The following PUM1 variants were observed in gnomAD, a reference collection of about 807,000 sequenced individuals.
PUM1 encodes pumilio homolog 1.
A neutral mutation model predicts 131.8 loss-of-function variants in PUM1; 13 were observed. The observed-to-expected ratio is 0.10, with a 90% CI of 0.06 to 0.16. PUM1 has a LOEUF of 0.16. PUM1 is among the 10% of genes least tolerant of loss of function. PUM1 has a pLI of 1.00. For synonymous variants in PUM1, 509 were observed against 556.5 expected (o/e 0.91, Z 1.20); for missense variants, 961 against 1,512.4 (o/e 0.64, Z 6.05).
intron 3 of PUM1, among the ~76,000 whole-genome samples, chr1:31,020,790 T>C (rs185016943): frequency 1.3e-5 from 2 of 152,312 alleles, no homozygotes; most frequent in African/African-American, 2.4e-5. Context: ...GCTATGTATA[T>C]AGGGAATACA....
In PUM1 at chr1:30,967,376, A is replaced by C. The variant is rs1245947217; in HGVS notation, c.1646-66T>G. On this transcript the variant is annotated intron_variant, in intron 11 of 21. Coordinates refer to ENST00000426105, the MANE Select transcript of PUM1 (RefSeq NM_001020658.2). The stretch of plus-strand genomic sequence containing the variant: ...AAACAAGTATCTCCTGGGCACCAAC[A>C]TATTGTCAATAATCACAAACTCAGC... The C allele has an allele frequency of 4.7e-6, 7 of 1,494,290 alleles. No homozygotes were observed. In the East Asian group the frequency reaches 1.6e-4, roughly 34 times the overall value. The allele number at this position is 1,494,290 out of a possible 1,614,324, so 92.6% of individuals were successfully genotyped here.
Position 30,964,729 on chromosome 1 carries a change from T to G in PUM1, c.2268A>C (p.Ser756=). 6.2e-7 allele frequency: 1 copy of G among 1,613,960 alleles called. No homozygotes were observed. The highest frequency in any genetic ancestry group is 8.5e-7 in the Non-Finnish European group (1 of 1,179,968). ...AAGAGAGGGAAGGAGGTGGTGTCTG[T>G]GAATGTCCTGGTCCCTGACTAGGGA... ...MPLPSQGPGH[S]QTPPPSLSSH... The change falls in exon 14 of 22, where the codon TCA becomes TCC. Residue 756 remains serine, a synonymous_variant. Transcript: ENST00000426105.
At chr1:30,955,900 T>G (rs1175668475) in intron 14 of PUM1, among the ~76,000 whole-genome samples, 1 of 152,238 alleles carries the variant, frequency 6.6e-6, no homozygotes, top group African/African-American at 2.4e-5. Context: ...AGCCCAATTC[T>G]ATGTTAGAAG....
At chr1:30,968,969 A>G (rs1453039412) in intron 10 of PUM1, among the ~76,000 whole-genome samples, 2 of 152,196 alleles carry the variant, frequency 1.3e-5, no homozygotes, top group African/African-American at 2.4e-5. Flanking sequence ...ACCATACTAT[A>G]TAATGTCAGT....
intron 5 of PUM1, among the ~76,000 whole-genome samples, chr1:30,996,964 CT>C (rs768263041): frequency 3.2e-4 from 49 of 152,090 alleles, no homozygotes; most frequent in Non-Finnish European, 6.8e-4. Flanking sequence ...CAAAACTGAA[CT>C]GTTAAAATAA....
Position 30,936,712 on chromosome 1 carries a change from A to G in PUM1, c.3366T>C (p.Tyr1122=). The G allele has an allele frequency of 2.5e-6, 4 of 1,614,196 alleles. No individual in the cohort carries two copies. Among genetic ancestry groups the G allele is most frequent in the Non-Finnish European group, 2.5e-6 (3 of 1,180,028 alleles). ...TCATCTTCTGGACCACGTAGTTGGC[A>G]TACTGGTCCTTCATCATGGTGTATA... ...SALYTMMKDQ[Y]ANYVVQKMID... is the part of the protein sequence containing the mutation. The change falls in exon 21 of 22, where the codon TAT becomes TAC. Residue 1122 remains tyrosine, a synonymous_variant. Transcript: ENST00000426105.
Position 30,987,834 on chromosome 1 carries a change from C to A in PUM1, c.1158+4556G>T, listed in dbSNP as rs150673170. ...CATGTTCTTCAATTATGATTGTAGACAACAAACTACATTAACTTTAGCAAT... is the reference window on the plus strand; with the variant it reads ...CATGTTCTTCAATTATGATTGTAGAAAACAAACTACATTAACTTTAGCAAT... On this transcript the variant is annotated intron_variant, in intron 7 of 21. Transcript: ENST00000426105. Among the ~76,000 whole-genome samples the A allele has an allele frequency of 2.6e-5, 4 of 152,268 alleles. No homozygotes were observed. In the East Asian group the frequency reaches 7.7e-4, roughly 29 times the overall value.
At chr1:31,027,534 C>T (rs1016945945) in intron 3 of PUM1, among the ~76,000 whole-genome samples, 2 of 152,190 alleles carry the variant, frequency 1.3e-5, no homozygotes, top group Admixed American at 6.5e-5. Context: ...AACACAAGGA[C>T]ATCTCCCAAT....
At chr1:31,057,169 C>A (rs1210012783) in intron 2 of PUM1, among the ~76,000 whole-genome samples, 1 of 152,024 alleles carries the variant, frequency 6.6e-6, no homozygotes, top group Non-Finnish European at 1.5e-5. Flanking sequence ...TCTGGGAGTC[C>A]AAGGCAGGTG....
At position 30,944,864 on chromosome 1, in the gene PUM1, C is replaced by T. The variant is rs139144875; in HGVS notation, c.2994+482G>A. 8.1e-4 allele frequency among the ~76,000 whole-genome samples: 123 copies of T among 152,310 alleles called. 1 individual carries two copies. The highest frequency in any genetic ancestry group is 2.8e-3 in the African/African-American group (115 of 41,560). On this transcript the variant is annotated intron_variant, in intron 18 of 21. Coordinates refer to ENST00000426105, the MANE Select transcript of PUM1 (RefSeq NM_001020658.2). ...ACTGCATTAATGACGGAAAGAAGAC[C>T]GAGACCCAGACACTTGGCAACACAC...
rs909532674 is a variant in PUM1 at position 31,006,891 on chromosome 1, A to T, written c.541+103T>A. 3 of 821,928 alleles carry T rather than the reference A, an allele frequency of 3.6e-6. No individual in the cohort carries two copies. In the African/African-American group the frequency reaches 5.1e-5, roughly 14 times the overall value. 50.9% of individuals were successfully genotyped at this position (821,928 alleles called of 1,614,324 possible). On this transcript the variant is annotated intron_variant, in intron 4 of 21. Coordinates refer to ENST00000426105, the MANE Select transcript of PUM1 (RefSeq NM_001020658.2). Reference sequence around the variant, plus strand: ...ATACTACAGGAGAGGACACTGCTTGACATGCTTATGTCACTGATGTAAAAT... The same window carrying T: ...ATACTACAGGAGAGGACACTGCTTGTCATGCTTATGTCACTGATGTAAAAT...
At position 31,002,614 on chromosome 1, in the gene PUM1, T is replaced by TGG. The variant is rs370798842; in HGVS notation, c.720+3237_720+3238dup. On this transcript the variant is annotated intron_variant, in intron 5 of 21. Transcript: ENST00000426105. ...CTGATTTTGTAACCACCCTGAACCA[T>TGG]GGGGGGCTGTGGGGTGAGCACCTGT... Among the ~76,000 whole-genome samples the TGG allele has an allele frequency of 5.1e-3, 771 of 152,164 alleles. 3 individuals are homozygous for TGG. The highest frequency in any genetic ancestry group is 0.032 in the East Asian group (164 of 5,182).
At chr1:31,025,231 C>T (rs1170050020) in intron 3 of PUM1, among the ~76,000 whole-genome samples, 1 of 152,086 alleles carries the variant, frequency 6.6e-6, no homozygotes, top group Non-Finnish European at 1.5e-5. Flanking sequence ...ATACTCTAAA[C>T]CTTTCAAAGT....
In PUM1 at chr1:30,992,474, A is replaced by G. The variant is rs1641830418; in HGVS notation, c.1074T>C (p.Leu358=). ...DPMEHVGMEP[L]QFDYSGTQVP... is the part of the protein sequence containing the mutation. ...CCTGCGTGCCTGAATAATCAAACTGAAGAGGCTCCATGCCCACATGTTCCA... is the reference window on the plus strand; with the variant it reads ...CCTGCGTGCCTGAATAATCAAACTGGAGAGGCTCCATGCCCACATGTTCCA... The change falls in exon 7 of 22, where the codon CTT becomes CTC. Residue 358 remains leucine (L), a synonymous_variant. Coordinates refer to ENST00000426105, the MANE Select transcript of PUM1 (RefSeq NM_001020658.2). The G allele has an allele frequency of 6.2e-7, 1 of 1,614,102 alleles. No homozygotes were observed. Among genetic ancestry groups the G allele is most frequent in the African/African-American group, 1.3e-5 (1 of 74,936 alleles).
chr1:31,055,779 C>CTTGCACAGCAATAT (rs1644222191), intron 2 of PUM1, among the ~76,000 whole-genome samples: 1 of 152,162 alleles, frequency 6.6e-6, no homozygotes, highest in Non-Finnish European at 1.5e-5. Context: ...CGCTTCTTAA[C>CTTGCACAGCAATAT]TTGCACAGCA....
intron 9 of PUM1, among the ~76,000 whole-genome samples, chr1:30,977,898 C>A (rs1641203396): frequency 6.6e-6 from 1 of 152,156 alleles, no homozygotes; most frequent in Admixed American, 6.5e-5. Context: ...TGGAGTTAAA[C>A]CTGGTTCAAA....
intron 2 of PUM1, among the ~76,000 whole-genome samples, chr1:31,056,507 T>C (rs144356496): frequency 2.6e-5 from 4 of 151,486 alleles, no homozygotes; most frequent in African/African-American, 9.7e-5. Context: ...GGTCTTGAAC[T>C]CCTGACCTCA....
intron 21 of PUM1, among the ~76,000 whole-genome samples, chr1:30,933,890 G>A (rs771716820): frequency 6.6e-5 from 10 of 152,196 alleles, no homozygotes; most frequent in African/African-American, 1.4e-4. Flanking sequence ...ATCATGAGCT[G>A]GTGTGATTAT....
At chr1:31,033,388 T>C (rs1248790119) in intron 2 of PUM1, among the ~76,000 whole-genome samples, 1 of 67,122 alleles carries the variant, frequency 1.5e-5, no homozygotes, top group East Asian at 2.2e-4. Context: ...TTTTTTTTTT[T>C]TTTTTTTTTT....
Sources: gnomAD v4.1 joint callset for allele counts (sites outside exome capture counted in the v4.1 genomes callset) on GRCh38, gnomAD v4.1.1 for gene constraint, MANE v1.5 for transcripts, NCBI Gene and HGNC (gene_info 2026-07-23, HGNC 2026-07-21) for gene names.